The following DCUN1D5 variants were observed in gnomAD, a reference collection of about 807,000 sequenced individuals.
DCUN1D5 encodes the protein defective in cullin neddylation 1 domain containing 5, also known as DCN1-like protein 5.
In DCUN1D5, 10 loss-of-function variants were observed where a neutral mutation model predicts 38.3. The observed-to-expected ratio is 0.26, with a 90% CI of 0.16 to 0.44. DCUN1D5 has a LOEUF of 0.44. Among genes scored for constraint, DCUN1D5 ranks in the 20% least tolerant of loss-of-function variants. DCUN1D5 has a pLI of 1.00. For missense variants in DCUN1D5, 148 were observed against 275.3 expected (o/e 0.54, Z 3.27); for synonymous variants, 93 against 90.9 (o/e 1.02, Z -0.13).
In DCUN1D5 at chr11:103,089,210, T is replaced by C. The variant is rs922129975; in HGVS notation, c.178+17A>G. The C allele has an allele frequency of 1.2e-6, 2 of 1,609,300 alleles. No individual in the cohort carries two copies. The highest frequency in any genetic ancestry group is 2.7e-5 in the African/African-American group (2 of 74,922). ...TTAAAGCATATGACTAGTATCTTCT[T>C]ATATTAATTTCATTACCTGCATATT... is the stretch of plus-strand genomic sequence containing the variant. On this transcript the variant is annotated intron_variant, in intron 2 of 7. Transcript: ENST00000260247.
chr11:103,055,573 T>C lies in DCUN1D5; in HGVS notation c.*6786A>G, dbSNP rs1297640077. ...ATTATCAATCTTGCTTTTTAAATCT[T>C]AGTGCTTCTACAACACTATAGAAAG... On this transcript the variant is annotated 3_prime_UTR_variant, in exon 8 of 8. Coordinates refer to ENST00000260247, the MANE Select transcript of DCUN1D5 (RefSeq NM_032299.4). 2 of 152,196 alleles carry C rather than the reference T, an allele frequency of 1.3e-5. No individual in the cohort carries two copies. Among genetic ancestry groups the C allele is most frequent in the Non-Finnish European group, 2.9e-5 (2 of 68,030 alleles). 9.4% of individuals were successfully genotyped at this position (152,196 alleles called of 1,614,324 possible).
At position 103,073,255 on chromosome 11, in the gene DCUN1D5, A is replaced by T. The variant is rs557110870; in HGVS notation, c.342-6688T>A. On this transcript the variant is annotated intron_variant, in intron 4 of 7. Coordinates refer to ENST00000260247, the MANE Select transcript of DCUN1D5 (RefSeq NM_032299.4). This position sits in a 1 kb window ranked among gnomAD's most constrained non-coding sequence, Gnocchi z 4.2. ...CAAATACCTAAAAAAATGAAGAGAC[A>T]TTACTATCTTCCAGTATTCAAAGCA... Among the ~76,000 whole-genome samples, 5 of 152,312 alleles carry T rather than the reference A, an allele frequency of 3.3e-5. No homozygotes were observed. In the South Asian group the frequency reaches 1.0e-3, roughly 32 times the overall value.
rs1158345733 is a variant in DCUN1D5, at chr11:103,087,969, G to A, written c.178+1258C>T. 1.3e-5 allele frequency among the ~76,000 whole-genome samples: 2 copies of A among 152,104 alleles called. No individual in the cohort carries two copies. The highest frequency in any genetic ancestry group is 2.4e-5 in the African/African-American group (1 of 41,426). On this transcript the variant is annotated intron_variant, in intron 2 of 7. Transcript: ENST00000260247. This position sits in a 1 kb window ranked among gnomAD's most constrained non-coding sequence, Gnocchi z 4.1. ...TAATGGGTCAACATTTTAAATGGAG[G>A]TCAGTAAGAAATGAATTCCCTTCAT... is the stretch of plus-strand genomic sequence containing the variant.
chr11:103,079,204 C>A (rs1274098823), intron 4 of DCUN1D5, among the ~76,000 whole-genome samples: 1 of 152,138 alleles, frequency 6.6e-6, no homozygotes, highest in Non-Finnish European at 1.5e-5. Context: ...ACAGTTTCAT[C>A]CCAAAGCCAT....
chr11:103,080,248 G>A (rs1249912787), intron 4 of DCUN1D5, among the ~76,000 whole-genome samples: 1 of 152,006 alleles, frequency 6.6e-6, no homozygotes, highest in African/African-American at 2.4e-5. Context: ...AGATGCCCAG[G>A]TGAAATCACA....
rs1264156362 is a variant in DCUN1D5 at position 103,059,479 on chromosome 11, A to C, written c.*2880T>G. 1.3e-5 allele frequency among the ~76,000 whole-genome samples: 2 copies of C among 152,200 alleles called. No homozygotes were observed. Among genetic ancestry groups the C allele is most frequent in the Non-Finnish European group, 2.9e-5 (2 of 68,042 alleles). On this transcript the variant is annotated 3_prime_UTR_variant, in exon 8 of 8. Transcript: ENST00000260247. ...AAGGCTTCAAATTGCAGTTCAAGAA[A>C]CACTAATCTAGAGTGCTTCTGAGTA...
chr11:103,076,906 A>G (rs1179346547), intron 4 of DCUN1D5, among the ~76,000 whole-genome samples: 1 of 152,120 alleles, frequency 6.6e-6, no homozygotes, highest in East Asian at 1.9e-4. Context: ...TTTTTGTAGT[A>G]AAAAAAGAAT....
Position 103,052,657 on chromosome 11 carries a change from T to C in DCUN1D5, c.*9702A>G, listed in dbSNP as rs531119231. On this transcript the variant is annotated 3_prime_UTR_variant, in exon 8 of 8. Transcript: ENST00000260247. ...CTCTCTTGGTAGTTCTTACATATCA[T>C]CCTTTTTTAGACCAGCTCTAGATAA... 1 of 152,280 alleles carries C rather than the reference T, an allele frequency of 6.6e-6. No individual in the cohort carries two copies. The highest frequency in any genetic ancestry group is 2.1e-4 in the South Asian group (1 of 4,834). The allele number at this position is 152,280 out of a possible 1,614,324, so 9.4% of individuals were successfully genotyped here. A position where few individuals can be genotyped will look rare whatever the true frequency, so the allele number is the denominator to read the frequency against.
At chr11:103,072,354 A>T (rs1015321338) in intron 4 of DCUN1D5, among the ~76,000 whole-genome samples, 1 of 151,506 alleles carries the variant, frequency 6.6e-6, no homozygotes, top group South Asian at 2.1e-4. Context: ...CTAGATCTAG[A>T]TCTAGATCTA....
At chr11:103,089,501 G>C (rs1862799670) in intron 1 of DCUN1D5, among the ~76,000 whole-genome samples, 183 bp from the exon 2 acceptor site, 1 of 151,962 alleles carries the variant, frequency 6.6e-6, no homozygotes, top group Admixed American at 6.5e-5. Context: ...CTATACATAA[G>C]AATTATCGGC....
At chr11:103,067,975 A>G (rs887516813) in intron 4 of DCUN1D5, among the ~76,000 whole-genome samples, 1 of 152,194 alleles carries the variant, frequency 6.6e-6, no homozygotes, top group Non-Finnish European at 1.5e-5. Flanking sequence ...TCAGGTGAGT[A>G]TTGAGGGAAG....
In DCUN1D5 at chr11:103,059,965, A is replaced by G. The variant is rs974911217; in HGVS notation, c.*2394T>C. Among the ~76,000 whole-genome samples the G allele has an allele frequency of 1.3e-5, 2 of 152,302 alleles. No individual in the cohort carries two copies. Among genetic ancestry groups the G allele is most frequent in the South Asian group, 4.2e-4 (2 of 4,818 alleles). ...AAGCTAACTAGTCAAAAAAGGAACC[A>G]CAACAGTTAGACTTTTTTATACTGC... On this transcript the variant is annotated 3_prime_UTR_variant, in exon 8 of 8. Coordinates refer to ENST00000260247, the MANE Select transcript of DCUN1D5 (RefSeq NM_032299.4).
chr11:103,072,246 G>A, intron 4 of DCUN1D5, among the ~76,000 whole-genome samples: 1 of 151,720 alleles, frequency 6.6e-6, no homozygotes, highest in East Asian at 1.9e-4. Context: ...AGAGGATGTG[G>A]AGAAATAGGA....
At chr11:103,068,859 C>T in intron 4 of DCUN1D5, among the ~76,000 whole-genome samples, 1 of 151,378 alleles carries the variant, frequency 6.6e-6, no homozygotes, top group African/African-American at 2.4e-5. Context: ...AAAGATCTTA[C>T]AGTTCAAAAA....
At position 103,066,474 on chromosome 11, in the gene DCUN1D5, G is replaced by A. The variant is rs1415548032; in HGVS notation, c.435C>T (p.Ala145=). 7 of 1,606,092 alleles carry A rather than the reference G, an allele frequency of 4.4e-6. No homozygotes were observed. The Admixed American group carries it at 1.0e-4, about 23-fold the overall frequency. The change falls in exon 5 of 8, where the codon GCC becomes GCT. Residue 145 remains alanine, a synonymous_variant. Transcript: ENST00000260247. This position sits in a 1 kb window ranked among gnomAD's most constrained non-coding sequence, Gnocchi z 4.7. ...TTGCACCTACCCTTGCAAAATCAAA[G>A]GCATATCTGTAGATATTCTTAAATG... ...ISSFKNIYRY[A]FDFARDKDQR...
At chr11:103,084,700 T>C (rs867311677) in intron 2 of DCUN1D5, among the ~76,000 whole-genome samples, 1 of 152,192 alleles carries the variant, frequency 6.6e-6, no homozygotes, top group Non-Finnish European at 1.5e-5. Flanking sequence ...GATTTGAAAA[T>C]TTAAGAGGCC....
At chr11:103,079,120 T>C (rs545914954) in intron 4 of DCUN1D5, among the ~76,000 whole-genome samples, 2 of 152,302 alleles carry the variant, frequency 1.3e-5, no homozygotes, top group South Asian at 4.1e-4. Context: ...CGAACCCTAT[T>C]GTGAACTGTG....
chr11:103,075,518 A>C (rs1014184556), intron 4 of DCUN1D5, among the ~76,000 whole-genome samples: 3 of 152,004 alleles, frequency 2.0e-5, no homozygotes, highest in Non-Finnish European at 4.4e-5. Context: ...AGTAGCTGGG[A>C]CTATAGGCGC....
At chr11:103,085,035 A>C (rs1862666508) in intron 2 of DCUN1D5, among the ~76,000 whole-genome samples, 1 of 152,208 alleles carries the variant, frequency 6.6e-6, no homozygotes, top group African/African-American at 2.4e-5. Flanking sequence ...CGGTTTTTTT[A>C]AAAGCCACGA....
Sources: allele counts gnomAD v4.1 joint callset (sites outside exome capture counted in the v4.1 genomes callset), GRCh38; gene constraint gnomAD v4.1.1; non-coding constraint Gnocchi (gnomAD v3.1); transcripts MANE v1.5; gene names NCBI Gene and HGNC (gene_info 2026-07-23, HGNC 2026-07-21).